Variants in MYLK3 observed in about 807,000 individuals in gnomAD.
MYLK3 encodes MLC kinase.
In MYLK3, 55 loss-of-function variants were observed where a neutral mutation model predicts 76.3. The ratio of observed to expected loss-of-function variants is 0.72; its 90% CI spans 0.58 to 0.90. MYLK3 has a LOEUF of 0.90. Among genes scored for constraint, MYLK3 ranks in the 40% least tolerant of loss-of-function variants. The probability of loss-of-function intolerance (pLI) is 0.00; values close to 1 mark genes in which losing one functional copy is unlikely to be tolerated. For missense variants in MYLK3, 973 were observed against 1,053.6 expected (o/e 0.92, Z 1.06); for synonymous variants, 416 against 425.4 (o/e 0.98, Z 0.27).
Position 46,710,539 on chromosome 16 carries a change from C to A in MYLK3, c.2267+98G>T, listed in dbSNP as rs144837004. ...TAAGAAATCTTGAATGGAATTTGTC[C>A]ACAGGAAGAAGGACCTTCACGGTCA... On this transcript the variant is annotated intron_variant, in intron 11 of 12. Coordinates refer to ENST00000394809, the MANE Select transcript of MYLK3 (RefSeq NM_182493.3). 19 of 1,358,794 alleles carry A rather than the reference C, an allele frequency of 1.4e-5. No homozygotes were observed. In the Middle Eastern group the frequency reaches 1.6e-3, roughly 113 times the overall value. 84.2% of individuals were successfully genotyped at this position (1,358,794 alleles called of 1,614,324 possible).
At chr16:46,759,410 T>C (rs1967246907) in intron 1 of MYLK3, among the ~76,000 whole-genome samples, 1 of 152,224 alleles carries the variant, frequency 6.6e-6, no homozygotes, top group African/African-American at 2.4e-5. Context: ...CTAGTGTTGA[T>C]TGAGCCAGGC....
At chr16:46,722,683 T>A (rs1366970730) in intron 8 of MYLK3, among the ~76,000 whole-genome samples, 2 of 151,650 alleles carry the variant, frequency 1.3e-5, no homozygotes, top group African/African-American at 4.9e-5. Flanking sequence ...ATACAAATAA[T>A]ACTGATTTTT....
intron 1 of MYLK3, among the ~76,000 whole-genome samples, chr16:46,754,174 A>G (rs1162265623): frequency 6.6e-6 from 1 of 152,204 alleles, no homozygotes; most frequent in Non-Finnish European, 1.5e-5. Flanking sequence ...GAGTCCAGCT[A>G]GCCTTATATC....
At chr16:46,731,340 T>C (rs551964396) in intron 4 of MYLK3, among the ~76,000 whole-genome samples, 2 of 152,344 alleles carry the variant, frequency 1.3e-5, no homozygotes, top group South Asian at 2.1e-4. Context: ...TTTAATGGTT[T>C]AGGGTTGTTT....
chr16:46,739,294 T>C (rs759982323), intron 2 of MYLK3, among the ~76,000 whole-genome samples: 1 of 152,222 alleles, frequency 6.6e-6, no homozygotes, highest in African/African-American at 2.4e-5. Context: ...GCCTCTAGAC[T>C]TCTCTTAATA....
In MYLK3 at chr16:46,748,222, C is replaced by T. The variant is rs573221498; in HGVS notation, c.-29G>A. The T allele has an allele frequency of 2.9e-5, 46 of 1,592,496 alleles. No homozygotes were observed. Among genetic ancestry groups the T allele is most frequent in the East Asian group, 4.5e-5 (2 of 44,636 alleles). ...GGTGCAGGCTTGACAAGGGCAAGAGCGGGGAATGAGGAGAGGCACAGACCC... is the reference window on the plus strand; with the variant it reads ...GGTGCAGGCTTGACAAGGGCAAGAGTGGGGAATGAGGAGAGGCACAGACCC... On this transcript the variant is annotated 5_prime_UTR_variant, in exon 1 of 13. Transcript: ENST00000394809. The surrounding 1 kb of genome is among the most constrained non-coding windows in gnomAD (Gnocchi z 4.3).
Position 46,710,783 on chromosome 16 carries a change from A to G in MYLK3, c.2121T>C (p.Ser707=), listed in dbSNP as rs765341381. 1 of 1,614,152 alleles carries G rather than the reference A, an allele frequency of 6.2e-7. No individual in the cohort carries two copies. The highest frequency in any genetic ancestry group is 1.1e-5 in the South Asian group (1 of 91,082). Residue 707 remains serine, a synonymous_variant, in exon 11 of 13, where the codon AGT becomes AGC. Transcript: ENST00000394809. ...TTTCCCCTAGAAATGGGGACAAGCC[A>G]CTGAGTCTATAGAAGAGAGAAAGGA... ...SVGVITYMLL[S]GLSPFLGETD...
At chr16:46,735,025 C>G (rs1966861721) in intron 3 of MYLK3, among the ~76,000 whole-genome samples, 1 of 151,848 alleles carries the variant, frequency 6.6e-6, no homozygotes. Flanking sequence ...CTTGTAATCC[C>G]AGCTACACTG....
intron 4 of MYLK3, 43 bp downstream of exon 4, chr16:46,732,165 T>A: frequency 1.3e-6 from 2 of 1,489,370 alleles, no homozygotes; most frequent in South Asian, 1.3e-5. Context: ...CCAAACTCCC[T>A]CCCCTCAGGG....
chr16:46,717,598 C>T (rs569483122), intron 9 of MYLK3, among the ~76,000 whole-genome samples: 5 of 152,128 alleles, frequency 3.3e-5, no homozygotes, highest in Admixed American at 6.5e-5. Flanking sequence ...GGGCGCCCCC[C>T]CCACCTCCCC....
In MYLK3 at chr16:46,709,452, A is replaced by G. The variant is rs1273651992; in HGVS notation, c.2400+87T>C. 37 of 1,463,406 alleles carry G rather than the reference A, an allele frequency of 2.5e-5. No homozygotes were observed. In the East Asian group the frequency reaches 3.9e-4, roughly 15 times the overall value. 90.7% of individuals were successfully genotyped at this position (1,463,406 alleles called of 1,614,324 possible). ...ACAAACCCAAAAAGAAGAAAAAAAAAAAAAGAAAAGGAAACTTAGCTACAG... is the reference window on the plus strand; with the variant it reads ...ACAAACCCAAAAAGAAGAAAAAAAAGAAAAGAAAAGGAAACTTAGCTACAG... On this transcript the variant is annotated intron_variant, in intron 12 of 12. Coordinates refer to ENST00000394809, the MANE Select transcript of MYLK3 (RefSeq NM_182493.3).
chr16:46,704,629 C>T lies in MYLK3; in HGVS notation c.*3075G>A, dbSNP rs909442537. The T allele has an allele frequency of 1.3e-5, 2 of 152,046 alleles. No individual in the cohort carries two copies. The highest frequency in any genetic ancestry group is 2.9e-5 in the Non-Finnish European group (2 of 68,022). 9.4% of individuals were successfully genotyped at this position (152,046 alleles called of 1,614,324 possible). A position where few individuals can be genotyped will look rare whatever the true frequency, so the allele number is the denominator to read the frequency against. On this transcript the variant is annotated 3_prime_UTR_variant, in exon 13 of 13. Coordinates refer to ENST00000394809, the MANE Select transcript of MYLK3 (RefSeq NM_182493.3). Reference sequence around the variant, plus strand: ...ATTACATATTGAAATATTTTTGATACACTAAGTTATATAAATTATTAAAAT... The same window carrying T: ...ATTACATATTGAAATATTTTTGATATACTAAGTTATATAAATTATTAAAAT...
Position 46,729,670 on chromosome 16 carries a change from A to G in MYLK3, c.1586T>C (p.Val529Ala), listed in dbSNP as rs1567285899. The change falls in exon 6 of 13, where the codon GTC becomes GCC. Residue 529 changes from valine to alanine, a missense_variant. Val to Ala is a moderately conservative substitution (Grantham distance 64). Around this residue, in one of 2 missense-constraint regions of MYLK3, gnomAD observed 332 missense variants for 416.6 expected, o/e 0.80. Coordinates refer to ENST00000394809, the MANE Select transcript of MYLK3 (RefSeq NM_182493.3). The stretch of plus-strand genomic sequence containing the variant: ...TGTGGACTTCTCTGTGCACCTGTGG[A>G]CCTGGCCAAACCGACCCCTGCAGAG... ...EVLGGGRFGQ[V>A]HRCTEKSTGL... 2.5e-6 allele frequency: 4 copies of G among 1,613,564 alleles called. No individual in the cohort carries two copies. Among genetic ancestry groups the G allele is most frequent in the Non-Finnish European group, 3.4e-6 (4 of 1,179,740 alleles).
Position 46,732,279 on chromosome 16 carries a change from G to C in MYLK3, c.1391C>G (p.Ala464Gly). 2 of 1,607,792 alleles carry C rather than the reference G, an allele frequency of 1.2e-6. No homozygotes were observed. The highest frequency in any genetic ancestry group is 1.7e-6 in the Non-Finnish European group (2 of 1,179,904). ...TGCTTCAGCTCTCACCGGAGCCCTG[G>C]CTGCACAGTCCTGCTCAGGCTCAGG... Reference protein sequence around the residue: ...GNPEPEQDCAARAPVRAEAVR... With the variant: ...GNPEPEQDCAGRAPVRAEAVR... Residue 464 changes from alanine to glycine, a missense_variant, in exon 4 of 13, where the codon GCC (alanine) becomes GGC (glycine). Transcript: ENST00000394809.
intron 1 of MYLK3, among the ~76,000 whole-genome samples, chr16:46,762,471 G>A (rs969046414): frequency 5.9e-5 from 9 of 152,126 alleles, no homozygotes; most frequent in Non-Finnish European, 1.2e-4. Context: ...CGGAGCAATA[G>A]ACTCCCGCAG....
chr16:46,724,996 T>C (rs2143014140), intron 8 of MYLK3, among the ~76,000 whole-genome samples: 1 of 152,346 alleles, frequency 6.6e-6, no homozygotes, highest in South Asian at 2.1e-4. Context: ...GAGAATGTCT[T>C]GCACTTATTT....
chr16:46,760,839 G>A (rs1469715046), intron 1 of MYLK3, among the ~76,000 whole-genome samples: 4 of 152,150 alleles, frequency 2.6e-5, no homozygotes, highest in African/African-American at 4.8e-5. Flanking sequence ...CACAGACACC[G>A]AGCAGGGTCT....
Position 46,732,338 on chromosome 16 carries a change from G to A in MYLK3, c.1332C>T (p.Gly444=), listed in dbSNP as rs1356232664. The change falls in exon 4 of 13, where the codon GGC becomes GGT. Residue 444 remains glycine (G), a synonymous_variant. Coordinates refer to ENST00000394809, the MANE Select transcript of MYLK3 (RefSeq NM_182493.3). ...DDNDHEVGAL[G]LQQGKSPGAG... The stretch of plus-strand genomic sequence containing the variant: ...CCCCTGGGCTTTTGCCCTGCTGCAG[G>A]CCCAGGGCCCCAACCTCGTGGTCAT... 3 of 1,612,914 alleles carry A rather than the reference G, an allele frequency of 1.9e-6. No individual in the cohort carries two copies. Among genetic ancestry groups the A allele is most frequent in the African/African-American group, 1.3e-5 (1 of 74,936 alleles).
chr16:46,758,352 G>A (rs1487045267), intron 1 of MYLK3, among the ~76,000 whole-genome samples: 1 of 135,072 alleles, frequency 7.4e-6, no homozygotes, highest in African/African-American at 2.8e-5. Flanking sequence ...TCAACTTTGG[G>A]ACCACAAATT....
Sources: gnomAD v4.1 joint callset for allele counts (sites outside exome capture counted in the v4.1 genomes callset) on GRCh38, gnomAD v4.1.1 for gene constraint, gnomAD v4.1.1 regional missense constraint, Gnocchi (gnomAD v3.1) non-coding constraint, MANE v1.5 for transcripts, NCBI Gene and HGNC (gene_info 2026-07-23, HGNC 2026-07-21) for gene names.